Variants in SCOC observed in about 807,000 individuals in gnomAD.
SCOC encodes short coiled coil protein.
A neutral mutation model predicts 9.9 loss-of-function variants in SCOC; 7 were observed. The ratio of observed to expected loss-of-function variants is 0.71; its 90% CI spans 0.40 to 1.33. The LOEUF is 1.33. SCOC is among the 40% of genes most tolerant of loss of function. The pLI, the probability that SCOC is intolerant of heterozygous loss-of-function variation, is 0.01. For synonymous variants in SCOC, 19 were observed against 28.2 expected, an observed-to-expected ratio of 0.67 and a Z score of 1.03; for missense variants, 66 against 89.7, an observed-to-expected ratio of 0.74 and a Z score of 1.07.
upstream of SCOC, among the ~76,000 whole-genome samples, chr4:140,369,127 C>G (rs4956386): frequency 0.95 from 145,062 of 152,306 alleles, 69,123 homozygotes; most frequent in East Asian, 0.99. Flanking sequence ...GAAAATGACT[C>G]ATCAAATTTA....
At chr4:140,378,436 A>G (rs1040518068) in intron 1 of SCOC, among the ~76,000 whole-genome samples, 7 of 152,084 alleles carry the variant, frequency 4.6e-5, no homozygotes, top group African/African-American at 9.7e-5. Context: ...TTCATGTAGT[A>G]TAGTCATAAT....
chr4:140,373,085 G>A (rs1048449221), upstream of SCOC, among the ~76,000 whole-genome samples: 1 of 152,252 alleles, frequency 6.6e-6, no homozygotes, highest in Non-Finnish European at 1.5e-5. Flanking sequence ...GAGGAGGGGC[G>A]TGAGGAGAGG....
chr4:140,356,160 CCCTT>C (rs1727221607), intron 2 of SCOC, among the ~76,000 whole-genome samples: 1 of 152,164 alleles, frequency 6.6e-6, no homozygotes, highest in Non-Finnish European at 1.5e-5. Context: ...GTAAACGACA[CCCTT>C]CAGCACAGTC....
intron 1 of SCOC, among the ~76,000 whole-genome samples, chr4:140,317,622 C>T (rs1163746060): frequency 1.6e-5 from 2 of 123,086 alleles, no homozygotes; most frequent in East Asian, 4.6e-4. Flanking sequence ...GAATAAAGCC[C>T]TTCCTTCTTT....
intron 1 of SCOC, among the ~76,000 whole-genome samples, chr4:140,288,957 T>A (rs1398131699): frequency 6.6e-6 from 1 of 151,886 alleles, no homozygotes; most frequent in Non-Finnish European, 1.5e-5. Context: ...ACCACATACC[T>A]GATCACACAA....
upstream of SCOC, among the ~76,000 whole-genome samples, chr4:140,372,702 A>C (rs1327094811): frequency 1.3e-5 from 2 of 152,234 alleles, no homozygotes; most frequent in Non-Finnish European, 2.9e-5. Context: ...CTGTGCCAGA[A>C]GTAAAAAGTC....
intron 1 of SCOC, among the ~76,000 whole-genome samples, chr4:140,274,524 C>G (rs764940737): frequency 1.3e-5 from 2 of 152,164 alleles, no homozygotes; most frequent in Admixed American, 6.5e-5. Context: ...GTTTCTCTCT[C>G]GGCAGGTGCA....
chr4:140,330,535 T>C (rs1422813571), intron 1 of SCOC, among the ~76,000 whole-genome samples: 1 of 152,164 alleles, frequency 6.6e-6, no homozygotes, highest in African/African-American at 2.4e-5. Flanking sequence ...GCCACAATAA[T>C]AGGAACATAC....
chr4:140,296,775 GA>G (rs111407090), intron 1 of SCOC, among the ~76,000 whole-genome samples: 313 of 146,416 alleles, frequency 2.1e-3, no homozygotes, highest in African/African-American at 4.1e-3. Flanking sequence ...GTCACGACAA[GA>G]AAAAAAAAAA....
upstream of SCOC, among the ~76,000 whole-genome samples, chr4:140,340,808 T>TTTTTTTTTTTTTTTTTTTTTTTTTTC: frequency 8.9e-6 from 1 of 111,814 alleles, no homozygotes; most frequent in Non-Finnish European, 1.8e-5. Context: ...TTTTTTTTTT[T>TTTTTTTTTTTTTTTTTTTTTTTTTTC]AGAGGGATAG....
At chr4:140,270,054 T>A (rs1425349865) in intron 1 of SCOC, among the ~76,000 whole-genome samples, 2 of 152,172 alleles carry the variant, frequency 1.3e-5, no homozygotes, top group African/African-American at 4.8e-5. Flanking sequence ...CCCAGACTAG[T>A]CACAAACGTA....
chr4:140,332,359 CTTTTTTTTTTTT>C lies in SCOC; in HGVS notation c.-18-11243_-18-11232del, dbSNP rs70943486. ...CTCATGCCAAAAACTCTGGAGTCAT[CTTTTTTTTTTTT>C]TTTTTTTTTTTTTTTTTTGAGACGG... is the stretch of plus-strand genomic sequence containing the variant. On this transcript the variant is annotated intron_variant, in intron 1 of 4. Coordinates refer to the SCOC transcript ENST00000394205. Among the ~76,000 whole-genome samples, 193 of 76,826 alleles carry C rather than the reference CTTTTTTTTTTTT, an allele frequency of 2.5e-3. 2 individuals are homozygous for C. The highest frequency in any genetic ancestry group is 5.9e-3 in the African/African-American group (149 of 25,156). The allele number at this position is 76,826 out of a possible 152,430, so 50.4% of individuals were successfully genotyped here. A position where few individuals can be genotyped will look rare whatever the true frequency, so the allele number is the denominator to read the frequency against.
intron 1 of SCOC, among the ~76,000 whole-genome samples, chr4:140,301,529 C>T (rs975771656): frequency 2.6e-5 from 4 of 152,174 alleles, no homozygotes; most frequent in African/African-American, 7.2e-5. Flanking sequence ...CAGATGCTGG[C>T]TCCAGAGATT....
At chr4:140,326,558 G>A (rs1732651965) in intron 1 of SCOC, among the ~76,000 whole-genome samples, 1 of 152,076 alleles carries the variant, frequency 6.6e-6, no homozygotes, top group Non-Finnish European at 1.5e-5. Flanking sequence ...GTCAATGTGA[G>A]CTCCTGAAAA....
chr4:140,363,560 G>A (rs1727664313), intron 2 of SCOC, among the ~76,000 whole-genome samples: 1 of 152,162 alleles, frequency 6.6e-6, no homozygotes, highest in African/African-American at 2.4e-5. Flanking sequence ...TGCTTACAGA[G>A]CACACATGGC....
intron 1 of SCOC, among the ~76,000 whole-genome samples, chr4:140,261,562 T>G (rs1057361458): frequency 1.3e-5 from 2 of 152,190 alleles, no homozygotes; most frequent in Non-Finnish European, 2.9e-5. Context: ...CATGAAATAT[T>G]TAGTGAGTAC....
At chr4:140,278,658 T>C (rs1417507603) in intron 1 of SCOC, among the ~76,000 whole-genome samples, 3 of 152,170 alleles carry the variant, frequency 2.0e-5, no homozygotes, top group Admixed American at 2.0e-4. Context: ...GGCCCTACCT[T>C]CTAATACTAT....
chr4:140,339,970 C>T (rs80196274), upstream of SCOC, among the ~76,000 whole-genome samples: 29,924 of 151,994 alleles, frequency 0.2, 3,831 homozygotes, highest in African/African-American at 0.36. Context: ...CAAAGGATTA[C>T]AAATCATGCT....
intron 2 of SCOC, among the ~76,000 whole-genome samples, chr4:140,364,750 T>G (rs1205946132): frequency 6.6e-6 from 1 of 152,228 alleles, no homozygotes; most frequent in Non-Finnish European, 1.5e-5. Context: ...AGTCAGGAAT[T>G]ACCTTGCCCA....
Sources: gnomAD v4.1 joint callset for allele counts (sites outside exome capture counted in the v4.1 genomes callset) on GRCh38, gnomAD v4.1.1 for gene constraint, MANE v1.5 for transcripts, NCBI Gene and HGNC (gene_info 2026-07-23, HGNC 2026-07-21) for gene names.